Variants in UBAP2 observed in about 807,000 individuals in gnomAD.
The protein encoded by UBAP2 is ubiquitin associated protein 2.
Under a neutral mutation model 139.6 loss-of-function variants are expected in UBAP2, and 75 were observed. The observed-to-expected ratio is 0.54, with a 90% CI of 0.45 to 0.65. The LOEUF is 0.65. UBAP2 is among the 30% of genes least tolerant of loss of function. The pLI, the probability that UBAP2 is intolerant of heterozygous loss-of-function variation, is 0.00. For synonymous variants in UBAP2, 526 were observed against 526.2 expected, an observed-to-expected ratio of 1.00 and a Z score of 0.01; for missense variants, 1,368 against 1,369.6, an observed-to-expected ratio of 1.00 and a Z score of 0.02.
chr9:33,991,545 G>A (rs1411481048), intron 4 of UBAP2, among the ~76,000 whole-genome samples: 1 of 152,082 alleles, frequency 6.6e-6, no homozygotes, highest in Non-Finnish European at 1.5e-5. Context: ...ACATTTTTTA[G>A]TTCAAATAGG....
intron 2 of UBAP2, among the ~76,000 whole-genome samples, chr9:34,012,599 TA>T: frequency 6.6e-6 from 1 of 152,122 alleles, no homozygotes; most frequent in Non-Finnish European, 1.5e-5. Flanking sequence ...TCTGATTTTT[TA>T]TAATTGTACT....
At chr9:33,990,653 T>TTTTTTA (rs1587622689) in intron 4 of UBAP2, among the ~76,000 whole-genome samples, 2 of 150,236 alleles carry the variant, frequency 1.3e-5, no homozygotes, top group Admixed American at 6.7e-5. Context: ...TTTTTTTTTT[T>TTTTTTA]GAGACAGAGT....
intron 12 of UBAP2, among the ~76,000 whole-genome samples, chr9:33,951,820 GAC>G (rs1366508458): frequency 6.6e-6 from 1 of 152,080 alleles, no homozygotes; most frequent in Non-Finnish European, 1.5e-5. Context: ...CAATTCAGTG[GAC>G]ACACATAGAT....
intron 26 of UBAP2, 69 bp downstream of exon 26, chr9:33,923,117 G>T: frequency 6.2e-7 from 1 of 1,610,726 alleles, no homozygotes; most frequent in Non-Finnish European, 8.5e-7. Context: ...GGGTTGCCCT[G>T]CCTGAGAGGG....
intron 1 of UBAP2, among the ~76,000 whole-genome samples, chr9:34,039,910 G>A (rs1826903599): frequency 6.8e-6 from 1 of 146,006 alleles, no homozygotes; most frequent in African/African-American, 2.5e-5. Context: ...TGTAATCCCA[G>A]CACTTTGGGA....
chr9:34,034,346 T>C lies in UBAP2; in HGVS notation c.-42+14479A>G, dbSNP rs533395176. Among the ~76,000 whole-genome samples the C allele has an allele frequency of 9.8e-5, 15 of 152,326 alleles. No homozygotes were observed. In the East Asian group the frequency reaches 2.7e-3, roughly 27 times the overall value. The stretch of plus-strand genomic sequence containing the variant: ...TTTTTCTTTTTTTAGTAAAAGTATA[T>C]TGCTTTTATTTTACTGACATCCTTA... On this transcript the variant is annotated intron_variant, in intron 1 of 28. Transcript: ENST00000379238.
intron 1 of UBAP2, among the ~76,000 whole-genome samples, chr9:34,047,203 C>A (rs1179802035): frequency 6.6e-6 from 1 of 152,118 alleles, no homozygotes; most frequent in Non-Finnish European, 1.5e-5. Flanking sequence ...GAAATCAGCG[C>A]TGTGGGAAAA....
intron 1 of UBAP2, among the ~76,000 whole-genome samples, chr9:34,045,839 G>A (rs1379134104): frequency 6.6e-6 from 1 of 152,158 alleles, no homozygotes; most frequent in African/African-American, 2.4e-5. Flanking sequence ...ATACTTGATA[G>A]TTGGGGCAAA....
chr9:34,005,265 G>GAA (rs1023617544), intron 2 of UBAP2, among the ~76,000 whole-genome samples: 8 of 88,448 alleles, frequency 9.0e-5, no homozygotes, highest in African/African-American at 9.1e-5. Flanking sequence ...TGTGTCTCAA[G>GAA]AAAAAAAAAA....
At chr9:34,028,151 TCA>T (rs770724413) in intron 1 of UBAP2, among the ~76,000 whole-genome samples, 2 of 151,962 alleles carry the variant, frequency 1.3e-5, no homozygotes, top group Non-Finnish European at 2.9e-5. Flanking sequence ...GACAGAAGAA[TCA>T]CAAAGTTATC....
rs572255172 is a variant in UBAP2, at chr9:34,036,336, C to T, written c.-42+12489G>A. ...TTCTCCATGTTGGTCAGGATGGTCT[C>T]AAACTCCCGACCTCAGGTGATCTGC... is the stretch of plus-strand genomic sequence containing the variant. On this transcript the variant is annotated intron_variant, in intron 1 of 28. Transcript: ENST00000379238. Among the ~76,000 whole-genome samples the T allele has an allele frequency of 1.2e-3, 187 of 152,160 alleles. 1 individual carries two copies. Among genetic ancestry groups the T allele is most frequent in the African/African-American group, 4.2e-3 (176 of 41,518 alleles).
chr9:33,949,887 T>A (rs1003452420), intron 12 of UBAP2, among the ~76,000 whole-genome samples: 2 of 152,078 alleles, frequency 1.3e-5, no homozygotes, highest in African/African-American at 4.8e-5. Context: ...GAACACCAAA[T>A]ACGTTCCATA....
chr9:33,987,854 T>C (rs1821349114), intron 5 of UBAP2, among the ~76,000 whole-genome samples: 1 of 152,212 alleles, frequency 6.6e-6, no homozygotes, highest in South Asian at 2.1e-4. Flanking sequence ...AAACCCTGAG[T>C]TCTTAGAAAA....
chr9:34,014,162 T>C (rs1255155977), intron 2 of UBAP2, among the ~76,000 whole-genome samples: 1 of 150,932 alleles, frequency 6.6e-6, no homozygotes, highest in Non-Finnish European at 1.5e-5. Context: ...TCATCTCTAC[T>C]AAAAATGCAA....
intron 2 of UBAP2, among the ~76,000 whole-genome samples, chr9:34,002,379 T>C (rs1362391680): frequency 1.5e-3 from 2 of 1,372 alleles, no homozygotes; most frequent in Non-Finnish European, 0.011. Context: ...CATAGGTGCT[T>C]TTTTTTTTTT....
chr9:33,980,929 A>C (rs1435581946), intron 6 of UBAP2, among the ~76,000 whole-genome samples: 2 of 151,118 alleles, frequency 1.3e-5, no homozygotes, highest in Admixed American at 6.7e-5. Flanking sequence ...CCTGGGTGAC[A>C]ATGCAAGAAC....
At chr9:34,016,287 G>GGAGGAGGAA (rs1361517178) in intron 2 of UBAP2, among the ~76,000 whole-genome samples, 5 of 14,770 alleles carry the variant, frequency 3.4e-4, no homozygotes, top group Admixed American at 1.0e-3. Context: ...AGGAAGAGGA[G>GGAGGAGGAA]GAGGAGGAAG....
intron 2 of UBAP2, among the ~76,000 whole-genome samples, chr9:34,005,188 G>A (rs1315835619): frequency 4.0e-5 from 6 of 150,968 alleles, no homozygotes; most frequent in Admixed American, 6.6e-5. Flanking sequence ...ATTTGAACCC[G>A]AGAGGCGGAG....
intron 2 of UBAP2, among the ~76,000 whole-genome samples, chr9:34,013,138 G>A (rs77422477): frequency 7.7e-6 from 1 of 129,710 alleles, no homozygotes; most frequent in East Asian, 2.3e-4. Flanking sequence ...GGGCAACAGA[G>A]TGAGACTCTA....
Sources: allele counts gnomAD v4.1 joint callset (sites outside exome capture counted in the v4.1 genomes callset), GRCh38; gene constraint gnomAD v4.1.1; transcripts MANE v1.5; gene names NCBI Gene and HGNC (gene_info 2026-07-23, HGNC 2026-07-21).